The following NEDD4 variants were observed in gnomAD, a reference collection of about 807,000 sequenced individuals.
NEDD4 encodes NEDD4 E3 ubiquitin protein ligase, also known as E3 ubiquitin-protein ligase NEDD4.
Under a neutral mutation model 144.9 loss-of-function variants are expected in NEDD4, and 99 were observed. The ratio of observed to expected loss-of-function variants is 0.68; its 90% CI spans 0.58 to 0.81. The LOEUF (loss-of-function observed/expected upper bound fraction) is 0.81, where lower values mean the gene tolerates loss of function less well. Ranked by LOEUF, NEDD4 falls within the 30% of genes least tolerant of loss-of-function variation. NEDD4 has a pLI of 0.00. For missense variants in NEDD4, 985 were observed against 1,065.9 expected (o/e 0.92, Z 1.06); for synonymous variants, 318 against 350.6 (o/e 0.91, Z 1.04).
At chr15:55,855,638 A>T (rs1266880687) in intron 12 of NEDD4, among the ~76,000 whole-genome samples, 1 of 152,222 alleles carries the variant, frequency 6.6e-6, no homozygotes, top group Non-Finnish European at 1.5e-5. Context: ...AGGAAGCAGA[A>T]GGCCTTAGTA....
chr15:55,860,721 A>G lies in NEDD4; in HGVS notation c.732T>C (p.Phe244=). 6.2e-7 allele frequency: 1 copy of G among 1,614,202 alleles called. No homozygotes were observed. Residue 244 remains phenylalanine (F), a synonymous_variant, in exon 10 of 29, where the codon TTT becomes TTC. Transcript: ENST00000435532. ...CCTCGGATATCTGCCGCCTGGTGGT[A>G]AATGCACGTTGTGCTTGCAGTTGAA... ...GNIQLQAQRA[F]TTRRQISEET... is the part of the protein sequence containing the mutation.
chr15:55,861,716 C>T (rs189706672), intron 9 of NEDD4, among the ~76,000 whole-genome samples: 9 of 152,042 alleles, frequency 5.9e-5, no homozygotes, highest in Non-Finnish European at 8.8e-5. Context: ...ATTGAACACC[C>T]TTACCCCAGT....
intron 2 of NEDD4, among the ~76,000 whole-genome samples, chr15:55,960,747 T>G (rs1193465300): frequency 6.6e-6 from 1 of 152,188 alleles, no homozygotes; most frequent in Admixed American, 6.5e-5. Context: ...ATGAAATTTA[T>G]GCCTACTTGC....
chr15:55,835,279 A>G (rs2033140258), intron 24 of NEDD4, among the ~76,000 whole-genome samples: 2 of 152,316 alleles, frequency 1.3e-5, no homozygotes, highest in Non-Finnish European at 2.9e-5. Flanking sequence ...TCTAATAAAC[A>G]TATTTAATTC....
At chr15:55,920,293 AC>A (rs1313215582) in intron 5 of NEDD4, among the ~76,000 whole-genome samples, 1 of 152,082 alleles carries the variant, frequency 6.6e-6, no homozygotes, top group Non-Finnish European at 1.5e-5. Flanking sequence ...TCTCTGGAGA[AC>A]CTTCACTAAT....
chr15:55,969,141 G>A (rs2037566694), intron 1 of NEDD4, among the ~76,000 whole-genome samples: 1 of 152,192 alleles, frequency 6.6e-6, no homozygotes, highest in Admixed American at 6.6e-5. Flanking sequence ...GAAGGGCAAA[G>A]TGATTGTGGG....
chr15:55,872,947 A>G (rs1294958238), intron 6 of NEDD4, among the ~76,000 whole-genome samples: 1 of 151,874 alleles, frequency 6.6e-6, no homozygotes, highest in African/African-American at 2.4e-5. Flanking sequence ...TATGCTCTGG[A>G]AAGACTGTGG....
intron 1 of NEDD4, among the ~76,000 whole-genome samples, chr15:55,980,962 CTG>C (rs764408798): frequency 2.3e-4 from 35 of 151,172 alleles, no homozygotes; most frequent in Non-Finnish European, 4.0e-4. Flanking sequence ...GTGAATAATA[CTG>C]TATTTATATA....
intron 5 of NEDD4, among the ~76,000 whole-genome samples, chr15:55,889,721 G>A (rs1303137862): frequency 6.6e-6 from 1 of 151,904 alleles, no homozygotes; most frequent in Non-Finnish European, 1.5e-5. Flanking sequence ...TTTTTTTGGA[G>A]ACAGAGTCTT....
At chr15:55,864,449 A>C (rs776543494) in intron 8 of NEDD4, among the ~76,000 whole-genome samples, 1 of 152,038 alleles carries the variant, frequency 6.6e-6, no homozygotes, top group Non-Finnish European at 1.5e-5. Context: ...TGGGAGGCCG[A>C]GGCGGGCAGA....
intron 5 of NEDD4, among the ~76,000 whole-genome samples, chr15:55,899,272 C>G (rs564643162): frequency 6.6e-6 from 1 of 151,976 alleles, no homozygotes; most frequent in African/African-American, 2.4e-5. Flanking sequence ...AAAAGTTTTA[C>G]TTTTTGAAAT....
intron 2 of NEDD4, among the ~76,000 whole-genome samples, chr15:55,956,044 G>C (rs1336527388): frequency 6.6e-6 from 1 of 151,974 alleles, no homozygotes; most frequent in African/African-American, 2.4e-5. Flanking sequence ...GAACTCCAGG[G>C]CTCAAGTGAT....
intron 5 of NEDD4, chr15:55,916,136 A>G: frequency 6.2e-7 from 1 of 1,613,896 alleles, no homozygotes; most frequent in Non-Finnish European, 8.5e-7. Context: ...AAGGATCTGT[A>G]CTTGTACTTC....
intron 5 of NEDD4, among the ~76,000 whole-genome samples, chr15:55,919,375 G>A (rs1346761603): frequency 6.6e-6 from 1 of 152,158 alleles, no homozygotes; most frequent in Non-Finnish European, 1.5e-5. Flanking sequence ...AAAGAATGAC[G>A]TTTGAAAAAT....
intron 4 of NEDD4, among the ~76,000 whole-genome samples, chr15:55,945,571 G>C (rs2037095601): frequency 6.6e-6 from 1 of 152,096 alleles, no homozygotes; most frequent in Non-Finnish European, 1.5e-5. Context: ...ATGGAACCAA[G>C]GTGGAAAACA....
At chr15:55,838,285 G>T in intron 22 of NEDD4, 105 bp from the exon 23 acceptor site, 1 of 838,218 alleles carries the variant, frequency 1.2e-6, no homozygotes, top group Non-Finnish European at 1.8e-6. Flanking sequence ...ATTAAGTCCA[G>T]TCAAAAGTTA....
chr15:55,970,322 C>T (rs1471886710), intron 1 of NEDD4, among the ~76,000 whole-genome samples: 6 of 152,054 alleles, frequency 3.9e-5, no homozygotes, highest in South Asian at 2.1e-4. Flanking sequence ...CTAGAACCAC[C>T]GTGGGCCAGA....
intron 5 of NEDD4, among the ~76,000 whole-genome samples, chr15:55,894,976 A>G (rs2035693364): frequency 6.6e-6 from 1 of 152,110 alleles, no homozygotes; most frequent in African/African-American, 2.4e-5. Flanking sequence ...AAGGTTTTGC[A>G]TTTGTTTCAA....
Position 55,889,967 on chromosome 15 carries a change from C to T in NEDD4, c.292-15959G>A, listed in dbSNP as rs544672422. Reference sequence around the variant, plus strand: ...ATCTGCCCACATCGGCCTCCCAAAGCGCTAGGATTACAGGCATGAACCACC... The same window carrying T: ...ATCTGCCCACATCGGCCTCCCAAAGTGCTAGGATTACAGGCATGAACCACC... On this transcript the variant is annotated intron_variant, in intron 5 of 28. Transcript: ENST00000435532. 1.8e-4 allele frequency among the ~76,000 whole-genome samples: 28 copies of T among 152,004 alleles called. 1 individual carries two copies. The highest frequency in any genetic ancestry group is 6.6e-4 in the Admixed American group (10 of 15,246).
Sources: allele counts gnomAD v4.1 joint callset (sites outside exome capture counted in the v4.1 genomes callset), GRCh38; gene constraint gnomAD v4.1.1; transcripts MANE v1.5; gene names NCBI Gene and HGNC (gene_info 2026-07-23, HGNC 2026-07-21).